PARVA: variants seen among roughly 807,000 people sequenced by gnomAD.
The protein encoded by PARVA is alpha-parvin.
In PARVA, 25 loss-of-function variants were observed where a neutral mutation model predicts 52.6. The observed-to-expected ratio is 0.48, with a 90% CI of 0.35 to 0.66. The LOEUF (loss-of-function observed/expected upper bound fraction) is 0.66. Among genes scored for constraint, PARVA ranks in the 30% least tolerant of loss-of-function variants. PARVA has a pLI of 0.01. For synonymous variants in PARVA, 185 were observed against 179.1 expected (o/e 1.03, Z -0.26); for missense variants, 373 against 450.9 (o/e 0.83, Z 1.56).
intron 1 of PARVA, among the ~76,000 whole-genome samples, chr11:12,378,792 A>C (rs977812943): frequency 6.6e-6 from 1 of 152,152 alleles, no homozygotes; most frequent in Non-Finnish European, 1.5e-5. Flanking sequence ...GGCACATGTG[A>C]TAATGTAATA....
At chr11:12,491,923 G>T (rs1941239050) in intron 4 of PARVA, among the ~76,000 whole-genome samples, 1 of 152,052 alleles carries the variant, frequency 6.6e-6, no homozygotes, top group South Asian at 2.1e-4. Context: ...ATTTGACTAT[G>T]CCCATAAAGC....
At chr11:12,420,754 T>C (rs1940137163) in intron 1 of PARVA, among the ~76,000 whole-genome samples, 1 of 152,210 alleles carries the variant, frequency 6.6e-6, no homozygotes, top group African/African-American at 2.4e-5. Flanking sequence ...CTTACCAATC[T>C]TGTGGGGCAA....
intron 1 of PARVA, among the ~76,000 whole-genome samples, chr11:12,442,867 CT>C (rs66540463): frequency 0.29 from 41,998 of 145,072 alleles, 6,494 homozygotes; most frequent in Non-Finnish European, 0.35. Context: ...ACTTGACTTC[CT>C]TTTTTTTTTT....
At chr11:12,430,259 A>G (rs1435877746) in intron 1 of PARVA, among the ~76,000 whole-genome samples, 1 of 152,248 alleles carries the variant, frequency 6.6e-6, no homozygotes, top group Non-Finnish European at 1.5e-5. Context: ...GATCATCAAT[A>G]TAAGTGATGA....
rs1589995348 is a variant in PARVA at position 12,530,110 on chromosome 11, C to T, written c.*2185C>T. 6.6e-6 allele frequency: 1 copy of T among 152,180 alleles called. No homozygotes were observed. 9.4% of individuals were successfully genotyped at this position (152,180 alleles called of 1,614,324 possible). A position where few individuals can be genotyped will look rare whatever the true frequency, so the allele number is the denominator to read the frequency against. On this transcript the variant is annotated 3_prime_UTR_variant, in exon 13 of 13. Transcript: ENST00000334956. ...TGTACAAGTATCCTTACTAAGAGTG[C>T]TCCTTTTGTATTTTACATATATACA... is the stretch of plus-strand genomic sequence containing the variant.
intron 1 of PARVA, among the ~76,000 whole-genome samples, chr11:12,426,026 C>T (rs1223497145): frequency 6.6e-6 from 1 of 151,770 alleles, no homozygotes; most frequent in African/African-American, 2.4e-5. Flanking sequence ...GAGTACCTCC[C>T]ATGTGCCAGG....
intron 1 of PARVA, among the ~76,000 whole-genome samples, chr11:12,468,984 G>A (rs574566980): frequency 6.6e-6 from 1 of 152,222 alleles, no homozygotes; most frequent in East Asian, 1.9e-4. Flanking sequence ...ATCATGATTC[G>A]TTTAAACCAA....
upstream of PARVA, chr11:12,376,842 T>C: frequency 4.1e-6 from 2 of 485,154 alleles, no homozygotes; most frequent in Non-Finnish European, 5.4e-6. Flanking sequence ...TGTCACTCTC[T>C]TGCTTTTATT....
At chr11:12,486,853 TAAATA>T (rs1472451834) in intron 4 of PARVA, among the ~76,000 whole-genome samples, 3 of 151,984 alleles carry the variant, frequency 2.0e-5, no homozygotes, top group Non-Finnish European at 4.4e-5. Context: ...CTCAAAACAA[TAAATA>T]AAATAAAGGA....
In PARVA at chr11:12,513,978, T is replaced by A; in HGVS notation, c.799-19T>A. On this transcript the variant is annotated intron_variant, in intron 9 of 12. Transcript: ENST00000334956. Reference sequence around the variant, plus strand: ...TAGTGCGAGTCCCCAGCTTAGGGCCTGCTTTGCTTCTCTTTTAGACACTCA... The same window carrying A: ...TAGTGCGAGTCCCCAGCTTAGGGCCAGCTTTGCTTCTCTTTTAGACACTCA... 1.9e-6 allele frequency: 3 copies of A among 1,611,826 alleles called. No individual in the cohort carries two copies. Among genetic ancestry groups the A allele is most frequent in the Non-Finnish European group, 2.5e-6 (3 of 1,178,012 alleles).
intron 1 of PARVA, among the ~76,000 whole-genome samples, chr11:12,385,704 C>G (rs1939563086): frequency 6.6e-6 from 1 of 152,162 alleles, no homozygotes; most frequent in South Asian, 2.1e-4. Context: ...TGGCTATGTT[C>G]CCATATAATT....
chr11:12,512,515 G>A (rs1243849906), intron 8 of PARVA, among the ~76,000 whole-genome samples: 2 of 152,150 alleles, frequency 1.3e-5, no homozygotes, highest in East Asian at 1.9e-4. Flanking sequence ...CCCTTCCACT[G>A]TGTCACCTCT....
chr11:12,475,439 T>C (rs1940999279), intron 3 of PARVA, among the ~76,000 whole-genome samples: 1 of 152,230 alleles, frequency 6.6e-6, no homozygotes, highest in Non-Finnish European at 1.5e-5. Context: ...TTCTTGGGGT[T>C]AGAGACTGTC....
At chr11:12,527,080 C>A (rs973034140) in intron 12 of PARVA, among the ~76,000 whole-genome samples, 1 of 152,236 alleles carries the variant, frequency 6.6e-6, no homozygotes, top group Non-Finnish European at 1.5e-5. Context: ...GCCCCATACA[C>A]CCCAACCTCT....
intron 1 of PARVA, among the ~76,000 whole-genome samples, chr11:12,383,221 A>G (rs1478934966): frequency 3.3e-5 from 5 of 152,104 alleles, no homozygotes; most frequent in South Asian, 4.1e-4. Context: ...TCTGTTGGAC[A>G]TGGCCCTCCT....
At chr11:12,400,545 G>A (rs1255562232) in intron 1 of PARVA, among the ~76,000 whole-genome samples, 3 of 152,124 alleles carry the variant, frequency 2.0e-5, no homozygotes, top group African/African-American at 7.2e-5. Flanking sequence ...GATGGTCCTT[G>A]TCTTTAGAAA....
intron 1 of PARVA, among the ~76,000 whole-genome samples, chr11:12,461,494 G>A (rs78268001): frequency 0.033 from 5,043 of 152,270 alleles, 306 homozygotes; most frequent in African/African-American, 0.11. Context: ...GCATGGCAAA[G>A]GACAAAGAAC....
At chr11:12,514,597 C>T (rs2135079575) in intron 10 of PARVA, among the ~76,000 whole-genome samples, 1 of 152,320 alleles carries the variant, frequency 6.6e-6, no homozygotes, top group Non-Finnish European at 1.5e-5. Flanking sequence ...AAGCGATTCT[C>T]CTGCCTCAGC....
intron 4 of PARVA, 126 bp from the exon 5 acceptor site, chr11:12,496,332 A>G: frequency 2.5e-6 from 1 of 400,320 alleles, no homozygotes; most frequent in Non-Finnish European, 3.8e-6. Context: ...GGCATCCAGT[A>G]TCTATTGTTG....
Sources: gnomAD v4.1 joint callset for allele counts (sites outside exome capture counted in the v4.1 genomes callset) on GRCh38, gnomAD v4.1.1 for gene constraint, MANE v1.5 for transcripts, NCBI Gene and HGNC (gene_info 2026-07-23, HGNC 2026-07-21) for gene names.